The following KLRG1 variants were observed in gnomAD, a reference collection of about 807,000 sequenced individuals.
KLRG1 encodes killer cell lectin like receptor G1, also known as killer cell lectin-like receptor subfamily G member 1.
In KLRG1, 16 loss-of-function variants were observed where a neutral mutation model predicts 21.8. That is an observed-to-expected ratio of 0.73 (90% CI 0.50 to 1.11). KLRG1 has a LOEUF of 1.11. Among genes scored for constraint, KLRG1 ranks in the 50% most tolerant of loss-of-function variants. KLRG1 has a pLI of 0.00. For synonymous variants in KLRG1, 69 were observed against 75.9 expected (o/e 0.91, Z 0.47); for missense variants, 173 against 218.3 (o/e 0.79, Z 1.31).
At chr12:9,180,381 A>G in the KLRG1 span, among the ~76,000 whole-genome samples, 4 of 152,166 alleles carry the variant, frequency 2.6e-5, no homozygotes, top group East Asian at 5.8e-4. Context: ...GAGGCATCAC[A>G]CTACCTGACT....
the KLRG1 span, among the ~76,000 whole-genome samples, chr12:9,078,072 A>G: frequency 1.3e-5 from 2 of 152,246 alleles, no homozygotes; most frequent in South Asian, 2.1e-4. Context: ...GTCTTAGTAT[A>G]TTTAATTTTA....
In KLRG1 at chr12:9,009,018, G is replaced by T; in HGVS notation, c.401G>T (p.Gly134Val). The T allele has an allele frequency of 6.2e-7, 1 of 1,613,890 alleles. No individual in the cohort carries two copies. The highest frequency in any genetic ancestry group is 8.5e-7 in the Non-Finnish European group (1 of 1,179,924). The change falls in exon 4 of 5, where the codon GGT (glycine) becomes GTT (valine). Residue 134 changes from glycine (G) to valine (V), a missense_variant. Physicochemically the swap from Gly to Val is moderately radical, Grantham distance 109. Transcript: ENST00000356986. ...VFLSEAFCWI[G>V]LRNNSGWRWE... is the part of the protein sequence containing the mutation. ...CTCAGTGAGGCCTTTTGCTGGATTG[G>T]TCTGAGGAACAATTCTGGCTGGAGG...
intron 1 of KLRG1, among the ~76,000 whole-genome samples, chr12:8,974,540 C>T (rs1252259407): frequency 6.6e-6 from 1 of 152,012 alleles, no homozygotes; most frequent in African/African-American, 2.4e-5. Flanking sequence ...TATTGAGGTA[C>T]ATTCTCTCTA....
the KLRG1 span, chr12:9,095,121 A>AT: frequency 9.6e-7 from 1 of 1,044,988 alleles, no homozygotes; most frequent in South Asian, 1.7e-5. Context: ...GTAAATATAT[A>AT]TTATAAAATA....
At chr12:9,058,973 A>G in the KLRG1 span, 4 of 152,680 alleles carry the variant, frequency 2.6e-5, no homozygotes, top group Non-Finnish European at 5.9e-5. Flanking sequence ...AAGTCTATAC[A>G]TAAACAAAGC....
chr12:9,153,409 A>G, the KLRG1 span: 1 of 1,356,704 alleles, frequency 7.4e-7, no homozygotes, highest in Non-Finnish European at 1.0e-6. Flanking sequence ...TTTCCCCCAA[A>G]GTCTGTGTTA....
chr12:9,103,649 G>A, the KLRG1 span, among the ~76,000 whole-genome samples: 3 of 152,092 alleles, frequency 2.0e-5, no homozygotes, highest in South Asian at 2.1e-4. Flanking sequence ...CCCCATGTAC[G>A]TGAATCATAC....
At chr12:9,064,227 A>C in the KLRG1 span, 1 of 152,458 alleles carries the variant, frequency 6.6e-6, no homozygotes, top group African/African-American at 2.4e-5. The surrounding 1 kb of genome is among the most constrained non-coding windows in gnomAD (Gnocchi z 4.0). Flanking sequence ...CTTTGGGCAA[A>C]TTACATGTCT....
intron 1 of KLRG1, among the ~76,000 whole-genome samples, chr12:8,962,295 G>T (rs2137220944): frequency 6.6e-6 from 1 of 152,270 alleles, no homozygotes; most frequent in East Asian, 1.9e-4. Context: ...ATATCTTCTA[G>T]AAATGAGAAG....
At chr12:9,043,006 T>C in the KLRG1 span, among the ~76,000 whole-genome samples, 1 of 152,228 alleles carries the variant, frequency 6.6e-6, no homozygotes, top group East Asian at 1.9e-4. Flanking sequence ...TTTTTTTGAA[T>C]AGGAATATTT....
chr12:9,192,731 A>C, the KLRG1 span: 1 of 1,603,662 alleles, frequency 6.2e-7, no homozygotes, highest in South Asian at 1.1e-5. Context: ...TGGGATGCAC[A>C]GTGAAAACCT....
In KLRG1 at chr12:8,974,924, C is replaced by T. The variant is rs183565350; in HGVS notation, c.-155-17282C>T. ...TCTTCTTCTTTTTTTGAGACAGAGT[C>T]TTGCTCTGTCAGCCAGGCTGGGGTG... is the stretch of plus-strand genomic sequence containing the variant. On this transcript the variant is annotated intron_variant, in intron 1 of 4. Transcript: ENST00000539240. Among the ~76,000 whole-genome samples the T allele has an allele frequency of 4.1e-3, 624 of 150,996 alleles. 2 individuals are homozygous for T. The highest frequency in any genetic ancestry group is 7.0e-3 in the Non-Finnish European group (473 of 67,820).
At chr12:9,203,174 T>C in the KLRG1 span, among the ~76,000 whole-genome samples, 1 of 152,128 alleles carries the variant, frequency 6.6e-6, no homozygotes, top group Non-Finnish European at 1.5e-5. Context: ...CAATCAAAAC[T>C]AGAAAACTCC....
At chr12:9,139,059 A>T in the KLRG1 span, among the ~76,000 whole-genome samples, 3 of 151,948 alleles carry the variant, frequency 2.0e-5, no homozygotes, top group African/African-American at 7.2e-5. Flanking sequence ...TAATGTAGGT[A>T]TTTATCACAG....
At chr12:8,953,235 GA>G (rs1946235378) in intron 1 of KLRG1, among the ~76,000 whole-genome samples, 1 of 152,206 alleles carries the variant, frequency 6.6e-6, no homozygotes, top group South Asian at 2.1e-4. Flanking sequence ...GCGGAGAGGG[GA>G]TGTGGTAGGT....
At chr12:9,101,657 A>G in the KLRG1 span, 1 of 1,612,884 alleles carries the variant, frequency 6.2e-7, no homozygotes, top group Non-Finnish European at 8.5e-7. Context: ...AACAGGGACT[A>G]CGATCCTTGT....
chr12:8,977,158 T>G (rs1946669698), intron 1 of KLRG1, among the ~76,000 whole-genome samples: 1 of 152,136 alleles, frequency 6.6e-6, no homozygotes, highest in African/African-American at 2.4e-5. Context: ...CTATGTCTGT[T>G]CTTAAGTCTA....
At chr12:9,109,079 C>G in the KLRG1 span, among the ~76,000 whole-genome samples, 1 of 151,964 alleles carries the variant, frequency 6.6e-6, no homozygotes, top group Non-Finnish European at 1.5e-5. Context: ...AGAATCAATC[C>G]TATTAGCATA....
At chr12:9,009,265 T>G (rs1947573968) in intron 4 of KLRG1, among the ~76,000 whole-genome samples, 161 bp from the exon 5 acceptor site, 1 of 150,368 alleles carries the variant, frequency 6.7e-6, no homozygotes, top group Non-Finnish European at 1.5e-5. Flanking sequence ...GGATAACATT[T>G]TAAAGAGAGG....
Sources: gnomAD v4.1 joint callset for allele counts (sites outside exome capture counted in the v4.1 genomes callset) on GRCh38, gnomAD v4.1.1 for gene constraint, Gnocchi (gnomAD v3.1) non-coding constraint, MANE v1.5 for transcripts, NCBI Gene and HGNC (gene_info 2026-07-23, HGNC 2026-07-21) for gene names.